The following TMEM131L variants were observed in gnomAD, a reference collection of about 807,000 sequenced individuals.
The protein encoded by TMEM131L is transmembrane 131 like.
Under a neutral mutation model 192.2 loss-of-function variants are expected in TMEM131L, and 54 were observed. The observed-to-expected ratio is 0.28, with a 90% CI of 0.23 to 0.35. TMEM131L has a LOEUF of 0.35. Ranked by LOEUF, TMEM131L falls within the 10% of genes least tolerant of loss-of-function variation. TMEM131L has a pLI of 1.00. For synonymous variants in TMEM131L, 701 were observed against 704.9 expected, an observed-to-expected ratio of 0.99 and a Z score of 0.09; for missense variants, 1,888 against 1,972.9, an observed-to-expected ratio of 0.96 and a Z score of 0.82.
chr4:153,491,595 G>A (rs984989902), intron 3 of TMEM131L, among the ~76,000 whole-genome samples: 1 of 151,954 alleles, frequency 6.6e-6, no homozygotes, highest in Non-Finnish European at 1.5e-5. Flanking sequence ...CAAGTTGTAC[G>A]TCTTATGCAT....
chr4:153,583,589 A>T lies in TMEM131L; in HGVS notation c.977A>T (p.Asp326Val). ...GATATACGCCATTTCTCACAGAGAG[A>T]TGCTCTGTCTCTGCAGTTTGAACCA... ...IQDIRHFSQR[D>V]ALSLQFEPVL... The change falls in exon 11 of 35, where the codon GAT (aspartate) becomes GTT (valine). Residue 326 changes from aspartate (D) to valine (V), a missense_variant. By Grantham distance (152) the Asp-to-Val change is radical. Coordinates refer to ENST00000409959, the MANE Select transcript of TMEM131L (RefSeq NM_001131007.2). The T allele has an allele frequency of 6.2e-7, 1 of 1,610,380 alleles. No individual in the cohort carries two copies. The highest frequency in any genetic ancestry group is 1.3e-5 in the African/African-American group (1 of 74,896).
chr4:153,467,187 G>T (rs372485255), intron 1 of TMEM131L, 24 bp from the exon 2 acceptor site: 73 of 1,550,628 alleles, frequency 4.7e-5, no homozygotes, highest in African/African-American at 9.6e-5. Context: ...TAAAAACGTG[G>T]TGTATTTTTT....
intron 3 of TMEM131L, among the ~76,000 whole-genome samples, chr4:153,499,366 A>G (rs1200664993): frequency 1.3e-5 from 2 of 151,818 alleles, no homozygotes; most frequent in Non-Finnish European, 2.9e-5. Flanking sequence ...CACATCTTCC[A>G]TGGATTTATC....
At chr4:153,517,463 A>G (rs1231446462) in intron 3 of TMEM131L, among the ~76,000 whole-genome samples, 3 of 151,368 alleles carry the variant, frequency 2.0e-5, no homozygotes, top group African/African-American at 7.3e-5. Context: ...AGTAATATAT[A>G]GTGTGTATTT....
In TMEM131L at chr4:153,588,974, G is replaced by C. The variant is rs201607513; in HGVS notation, c.1637G>C (p.Arg546Thr). ...GAACTTGCAAATAAATTGTATGAAA[G>C]ATGGAAGAAATATAAAAATGGTGAC... ...DSELANKLYERWKKYKNGDVC... is the reference protein window; with the variant it reads ...DSELANKLYETWKKYKNGDVC... The change falls in exon 16 of 35, where the codon AGA becomes ACA. Residue 546 changes from arginine (R) to threonine (T), a missense_variant. Physicochemically the swap from Arg to Thr is moderately conservative, Grantham distance 71. Coordinates refer to ENST00000409959, the MANE Select transcript of TMEM131L (RefSeq NM_001131007.2). 148 of 1,599,384 alleles carry C rather than the reference G, an allele frequency of 9.3e-5. No homozygotes were observed. Among genetic ancestry groups the C allele is most frequent in the Non-Finnish European group, 7.8e-5 (91 of 1,166,904 alleles).
chr4:153,528,183 GCC>G (rs1471585728), intron 3 of TMEM131L, among the ~76,000 whole-genome samples: 1 of 152,204 alleles, frequency 6.6e-6, no homozygotes, highest in Non-Finnish European at 1.5e-5. Context: ...GTTACAGCTT[GCC>G]TCTTCAGGTG....
chr4:153,636,201 A>G, intron 34 of TMEM131L, 100 bp from the exon 35 acceptor site: 2 of 1,207,730 alleles, frequency 1.7e-6, no homozygotes, highest in Non-Finnish European at 2.3e-6. Context: ...ATAACTTCCA[A>G]GTAACTTGAT....
At chr4:153,596,430 C>A in intron 20 of TMEM131L, 45 bp downstream of exon 20, 1 of 1,603,864 alleles carries the variant, frequency 6.2e-7, no homozygotes, top group South Asian at 1.1e-5. Context: ...CTCAATGACT[C>A]ATCTGTGTAA....
Position 153,501,928 on chromosome 4 carries a change from A to C in TMEM131L, c.239+28040A>C, listed in dbSNP as rs554669319. 1.5e-3 allele frequency among the ~76,000 whole-genome samples: 231 copies of C among 149,830 alleles called. 5 individuals carry two copies. The highest frequency in any genetic ancestry group is 6.2e-4 in the Non-Finnish European group (42 of 67,704). On this transcript the variant is annotated intron_variant, in intron 3 of 34. Transcript: ENST00000409959. ...TACCTTTTCCAGGTCACTTCCTGGAAGTATCCCCCAAAGGGTTTTTTTTTT... is the reference window on the plus strand; with the variant it reads ...TACCTTTTCCAGGTCACTTCCTGGACGTATCCCCCAAAGGGTTTTTTTTTT...
At chr4:153,542,438 A>G (rs1363724046) in intron 3 of TMEM131L, among the ~76,000 whole-genome samples, 1 of 152,148 alleles carries the variant, frequency 6.6e-6, no homozygotes, top group East Asian at 1.9e-4. Flanking sequence ...AGTCAGGTGG[A>G]GGCAGTGTAG....
intron 9 of TMEM131L, among the ~76,000 whole-genome samples, chr4:153,582,855 A>G (rs1000597680): frequency 9.2e-5 from 14 of 152,294 alleles, no homozygotes; most frequent in African/African-American, 2.9e-4. Flanking sequence ...ACAGGAGAAC[A>G]TAGCTTTATT....
rs1230749894 is a variant in TMEM131L, at chr4:153,555,783, C to G, written c.309-4C>G. ...TTGATTTTTCTCTTTGTTTCTCCTC[C>G]TAGGTTCCTGGGACATCCTGTAGCA... On this transcript the variant is annotated splice_polypyrimidine_tract_variant and splice_region_variant and intron_variant, in intron 4 of 34. Coordinates refer to ENST00000409959, the MANE Select transcript of TMEM131L (RefSeq NM_001131007.2). This position sits in a 1 kb window ranked among gnomAD's most constrained non-coding sequence, Gnocchi z 4.1. 1.0e-5 allele frequency: 16 copies of G among 1,550,284 alleles called. No homozygotes were observed. Among genetic ancestry groups the G allele is most frequent in the Non-Finnish European group, 1.3e-5 (15 of 1,145,962 alleles).
At chr4:153,566,121 A>T (rs1729170166) in intron 7 of TMEM131L, among the ~76,000 whole-genome samples, 1 of 152,010 alleles carries the variant, frequency 6.6e-6, no homozygotes, top group African/African-American at 2.4e-5. Flanking sequence ...ATGTGATTAT[A>T]AGACAATGTG....
chr4:153,498,056 G>A (rs1733317153), intron 3 of TMEM131L, among the ~76,000 whole-genome samples: 1 of 152,048 alleles, frequency 6.6e-6, no homozygotes, highest in Non-Finnish European at 1.5e-5. Flanking sequence ...TTATTGTGTC[G>A]GATTTAAGGC....
At chr4:153,511,335 C>T (rs751298412) in intron 3 of TMEM131L, among the ~76,000 whole-genome samples, 25 of 152,142 alleles carry the variant, frequency 1.6e-4, no homozygotes, top group Admixed American at 3.3e-4. Context: ...TTTGCGGGAA[C>T]GTGAATGGAG....
At position 153,622,962 on chromosome 4, in the gene TMEM131L, C is replaced by T; in HGVS notation, c.3924C>T (p.Asp1308=). 6.2e-7 allele frequency: 1 copy of T among 1,614,252 alleles called. No individual in the cohort carries two copies. Among genetic ancestry groups the T allele is most frequent in the East Asian group, 2.2e-5 (1 of 44,882 alleles). The change falls in exon 29 of 35, where the codon GAC becomes GAT. Residue 1308 remains aspartate, a synonymous_variant. Coordinates refer to ENST00000409959, the MANE Select transcript of TMEM131L (RefSeq NM_001131007.2). ...AGTTCTGCTCCGATTCCAGCTCTGA[C>T]TGTGGGAGCTCCTCTGGCAGCGTGC... ...VDKFCSDSSS[D]CGSSSGSVRA... is the part of the protein sequence containing the mutation.
At chr4:153,547,855 C>G (rs934289874) in intron 3 of TMEM131L, among the ~76,000 whole-genome samples, 2 of 152,220 alleles carry the variant, frequency 1.3e-5, no homozygotes, top group African/African-American at 4.8e-5. Flanking sequence ...GGGTGAATTA[C>G]TTAAATCCTC....
chr4:153,487,024 T>C (rs57606977), intron 3 of TMEM131L, among the ~76,000 whole-genome samples: 13,571 of 152,194 alleles, frequency 0.089, 1,657 homozygotes, highest in African/African-American at 0.28. Flanking sequence ...CTCGCTAGAC[T>C]GGCCGGTTCT....
chr4:153,629,951 A>G (rs1001289040), intron 31 of TMEM131L, among the ~76,000 whole-genome samples: 9 of 152,194 alleles, frequency 5.9e-5, no homozygotes, highest in African/African-American at 2.2e-4. Context: ...CCAAATGTAT[A>G]TGCAGGAGAC....
Sources: allele counts gnomAD v4.1 joint callset (sites outside exome capture counted in the v4.1 genomes callset), GRCh38; gene constraint gnomAD v4.1.1; non-coding constraint Gnocchi (gnomAD v3.1); transcripts MANE v1.5; gene names NCBI Gene and HGNC (gene_info 2026-07-23, HGNC 2026-07-21).